The following GAS2 variants were observed in gnomAD, a reference collection of about 807,000 sequenced individuals.
The protein encoded by GAS2 is growth arrest-specific protein 2.
In GAS2, 20 loss-of-function variants were observed where a neutral mutation model predicts 37.5. The ratio of observed to expected loss-of-function variants is 0.53; its 90% CI spans 0.37 to 0.77. The LOEUF (loss-of-function observed/expected upper bound fraction) is 0.77, where lower values mean the gene tolerates loss of function less well. Among genes scored for constraint, GAS2 ranks in the 30% least tolerant of loss-of-function variants. GAS2 has a pLI of 0.00. For synonymous variants in GAS2, 144 were observed against 132.2 expected (o/e 1.09, Z -0.61); for missense variants, 336 against 373.4 (o/e 0.90, Z 0.82).
At chr11:22,680,848 A>G (rs1849647479) in intron 2 of GAS2, among the ~76,000 whole-genome samples, 1 of 152,186 alleles carries the variant, frequency 6.6e-6, no homozygotes, top group Non-Finnish European at 1.5e-5. Flanking sequence ...GGCTAAAAGC[A>G]TGGACTCTGA....
At chr11:22,699,818 A>C (rs968509300) in intron 3 of GAS2, among the ~76,000 whole-genome samples, 1 of 152,200 alleles carries the variant, frequency 6.6e-6, no homozygotes, top group Non-Finnish European at 1.5e-5. Flanking sequence ...TTTAGCTGTT[A>C]ACTTTATTGT....
chr11:22,717,790 T>A (rs886852980), intron 3 of GAS2, among the ~76,000 whole-genome samples: 5 of 148,720 alleles, frequency 3.4e-5, no homozygotes, highest in African/African-American at 9.9e-5. Flanking sequence ...AAAAAGAATA[T>A]CCCATCAAAC....
At position 22,811,872 on chromosome 11, in the gene GAS2, C is replaced by A; in HGVS notation, c.798C>A (p.His266Gln). 1 of 1,614,072 alleles carries A rather than the reference C, an allele frequency of 6.2e-7. No homozygotes were observed. Among genetic ancestry groups the A allele is most frequent in the Non-Finnish European group, 8.5e-7 (1 of 1,179,976 alleles). Residue 266 changes from histidine to glutamine, a missense_variant, in exon 8 of 8, where the codon CAC (histidine) becomes CAA (glutamine). Physicochemically the swap from His to Gln is conservative, Grantham distance 24. Coordinates refer to ENST00000454584, the MANE Select transcript of GAS2 (RefSeq NM_001143830.3). ...WETFAGYLLK[H>Q]DPCRMLQISR... ...CTTTTGCAGGGTATTTGTTGAAACA[C>A]GACCCCTGCCGAATGCTGCAGATCT...
intron 7 of GAS2, among the ~76,000 whole-genome samples, chr11:22,799,666 A>C (rs1251395713): frequency 2.0e-5 from 3 of 152,074 alleles, no homozygotes; most frequent in African/African-American, 7.2e-5. Flanking sequence ...TTTCTAAATA[A>C]GGGCATAAAC....
rs188011416 is a variant in GAS2 at position 22,783,304 on chromosome 11, G to T, written c.723+27351G>T. 4.6e-5 allele frequency among the ~76,000 whole-genome samples: 7 copies of T among 152,114 alleles called. No homozygotes were observed. In the East Asian group the frequency reaches 1.4e-3, roughly 29 times the overall value. ...TAATGGGGCTATTTGTTTTTTGCCT[G>T]TTGAATTCTTTAAGTTCTTTATAGA... On this transcript the variant is annotated intron_variant, in intron 7 of 7. Transcript: ENST00000454584.
intron 1 of GAS2, among the ~76,000 whole-genome samples, chr11:22,627,088 C>G (rs748940980): frequency 2.6e-5 from 4 of 152,116 alleles, no homozygotes; most frequent in Non-Finnish European, 5.9e-5. Context: ...CCACCGCGCC[C>G]GGCTATTATT....
intron 1 of GAS2, among the ~76,000 whole-genome samples, chr11:22,627,304 G>T (rs1202285636): frequency 7.2e-5 from 11 of 152,200 alleles, no homozygotes; most frequent in Admixed American, 7.2e-4. Context: ...TACATAGTAT[G>T]AGGTGCTACA....
chr11:22,693,139 C>T (rs773821612), intron 3 of GAS2, among the ~76,000 whole-genome samples: 1 of 152,104 alleles, frequency 6.6e-6, no homozygotes, highest in Non-Finnish European at 1.5e-5. Flanking sequence ...GCTTGATGAC[C>T]TGTGATGTTG....
In GAS2 at chr11:22,757,409, C is replaced by T. The variant is rs146370733; in HGVS notation, c.723+1456C>T. Among the ~76,000 whole-genome samples the T allele has an allele frequency of 1.6e-3, 249 of 152,054 alleles. 6 individuals carry two copies. In the East Asian group the frequency reaches 0.037, roughly 23 times the overall value. The stretch of plus-strand genomic sequence containing the variant: ...TTATTTATAGAGAAATTGAGATTTG[C>T]TGTACTGAAAAAATTGTATCAAATT... On this transcript the variant is annotated intron_variant, in intron 7 of 7. Transcript: ENST00000454584.
chr11:22,772,056 C>T (rs11026785), intron 7 of GAS2, among the ~76,000 whole-genome samples: 1,813 of 152,200 alleles, frequency 0.012, 16 homozygotes, highest in Non-Finnish European at 0.015. Flanking sequence ...CTTCAACAGA[C>T]GTGCAAATGT....
chr11:22,764,122 T>C (rs1358629410), intron 7 of GAS2, among the ~76,000 whole-genome samples: 1 of 152,200 alleles, frequency 6.6e-6, no homozygotes, highest in African/African-American at 2.4e-5. Context: ...TAACTAACCA[T>C]TGCTGTAAAT....
intron 3 of GAS2, among the ~76,000 whole-genome samples, chr11:22,699,007 G>T (rs1261009360): frequency 1.3e-5 from 2 of 151,970 alleles, no homozygotes; most frequent in African/African-American, 4.8e-5. Flanking sequence ...TTTCTATAAG[G>T]AAAGCACCCA....
At chr11:22,636,938 AAAT>A (rs1032943168) in intron 1 of GAS2, among the ~76,000 whole-genome samples, 82 of 101,580 alleles carry the variant, frequency 8.1e-4, no homozygotes, top group African/African-American at 1.9e-3. Context: ...TTAATAATAT[AAAT>A]AATAATAAAT....
intron 3 of GAS2, among the ~76,000 whole-genome samples, chr11:22,721,661 A>G (rs776133848): frequency 6.4e-4 from 97 of 152,232 alleles, no homozygotes; most frequent in Non-Finnish European, 1.3e-3. Flanking sequence ...TTAAAAGTTC[A>G]ACTATTCAAT....
chr11:22,810,689 A>C (rs1857116640), intron 7 of GAS2, among the ~76,000 whole-genome samples: 1 of 152,184 alleles, frequency 6.6e-6, no homozygotes, highest in African/African-American at 2.4e-5. Flanking sequence ...CCCCAAATAC[A>C]CATGGAGAAA....
chr11:22,799,371 C>T (rs1160608176), intron 7 of GAS2, among the ~76,000 whole-genome samples: 1 of 151,998 alleles, frequency 6.6e-6, no homozygotes, highest in Non-Finnish European at 1.5e-5. Context: ...TTAAAAAATG[C>T]ATTCCAGGTA....
At chr11:22,754,490 G>A (rs917149126) in intron 6 of GAS2, among the ~76,000 whole-genome samples, 2 of 151,882 alleles carry the variant, frequency 1.3e-5, no homozygotes, top group Non-Finnish European at 2.9e-5. Flanking sequence ...TATTAAAGTT[G>A]GTTCTTTTGT....
intron 1 of GAS2, among the ~76,000 whole-genome samples, chr11:22,642,285 G>A (rs1001776854): frequency 2.6e-5 from 4 of 152,122 alleles, no homozygotes; most frequent in Non-Finnish European, 4.4e-5. Context: ...ACAGGATGAT[G>A]TTCAGATTTG....
chr11:22,679,864 G>T (rs1479654732), intron 2 of GAS2, among the ~76,000 whole-genome samples: 1 of 151,972 alleles, frequency 6.6e-6, no homozygotes, highest in African/African-American at 2.4e-5. Flanking sequence ...GTGCTGAATT[G>T]ATTTTACTTA....
Sources: allele counts gnomAD v4.1 joint callset (sites outside exome capture counted in the v4.1 genomes callset), GRCh38; gene constraint gnomAD v4.1.1; transcripts MANE v1.5; gene names NCBI Gene and HGNC (gene_info 2026-07-23, HGNC 2026-07-21).